Variants in ERN1 observed in about 807,000 individuals in gnomAD.
ERN1 encodes the protein serine/threonine-protein kinase/endoribonuclease IRE1.
ERN1 carries 39 observed loss-of-function variants against 113.1 expected under a neutral mutation model. The observed-to-expected ratio is 0.34, with a 90% CI of 0.27 to 0.45. The LOEUF is 0.45. Among genes scored for constraint, ERN1 ranks in the 20% least tolerant of loss-of-function variants. ERN1 has a pLI of 1.00. For missense variants in ERN1, 976 were observed against 1,274.8 expected (o/e 0.77, Z 3.57); for synonymous variants, 507 against 515.9 (o/e 0.98, Z 0.23).
At position 64,060,454 on chromosome 17, in the gene ERN1, C is replaced by A. The variant is rs367873738; in HGVS notation, c.1206+15G>T. The A allele has an allele frequency of 6.4e-7, 1 of 1,556,458 alleles. No homozygotes were observed. ...CTAACACCAACAACCCCCGACTGGTCGCTTCCTCACTCACTTCCTCAAAGC... is the reference window on the plus strand; with the variant it reads ...CTAACACCAACAACCCCCGACTGGTAGCTTCCTCACTCACTTCCTCAAAGC... On this transcript the variant is annotated intron_variant, in intron 11 of 21. Transcript: ENST00000433197.
rs1913103494 is a variant in ERN1, at chr17:64,063,081, T to C, written c.1087+905A>G. Among the ~76,000 whole-genome samples, 1 of 152,184 alleles carries C rather than the reference T, an allele frequency of 6.6e-6. No homozygotes were observed. The highest frequency in any genetic ancestry group is 2.4e-5 in the African/African-American group (1 of 41,438). ...TTTCCAGAGCCCCAGCCCTGACCTC[T>C]TTCTCCCCTAGTACCTGTCACCAGC... On this transcript the variant is annotated intron_variant, in intron 10 of 21. Transcript: ENST00000433197. The surrounding 1 kb of genome is among the most constrained non-coding windows in gnomAD (Gnocchi z 5.1).
intron 1 of ERN1, among the ~76,000 whole-genome samples, chr17:64,117,910 C>T (rs531622324): frequency 6.6e-6 from 1 of 152,258 alleles, no homozygotes; most frequent in East Asian, 1.9e-4. Context: ...TCCATGAGGG[C>T]GGGGGTCTTT....
rs1912558985 is a variant in ERN1 at position 64,047,859 on chromosome 17, T to C, written c.2528A>G (p.Gln843Arg). 2.5e-6 allele frequency: 4 copies of C among 1,607,292 alleles called. No individual in the cohort carries two copies. The highest frequency in any genetic ancestry group is 3.4e-6 in the Non-Finnish European group (4 of 1,176,122). The change falls in exon 19 of 22, where the codon CAG (glutamine) becomes CGG (arginine). Residue 843 changes from glutamine (Q) to arginine (R), a missense_variant and splice_region_variant. Coordinates refer to ENST00000433197, the MANE Select transcript of ERN1 (RefSeq NM_001433.5). ...GATAAAGAGAACAGACGTCTCTACC[T>C]GGAAGAACTGGAGCTGCTTCTCTAG... ...WSLEKQLQFF[Q>R]DVSDRIEKES...
intron 2 of ERN1, among the ~76,000 whole-genome samples, chr17:64,094,198 C>T (rs1268165595): frequency 6.6e-6 from 1 of 152,190 alleles, no homozygotes; most frequent in Admixed American, 6.5e-5. Flanking sequence ...GGCTGTACTT[C>T]TTTTGTTTGA....
At position 64,113,601 on chromosome 17, in the gene ERN1, C is replaced by T. The variant is rs544722569; in HGVS notation, c.55-15360G>A. On this transcript the variant is annotated intron_variant, in intron 1 of 21. Coordinates refer to ENST00000433197, the MANE Select transcript of ERN1 (RefSeq NM_001433.5). ...CCCGGCTCACTGCAACCTCTGCCTCCCAGGTTCCAGCAATTTTCCCGCCTC... is the reference window on the plus strand; with the variant it reads ...CCCGGCTCACTGCAACCTCTGCCTCTCAGGTTCCAGCAATTTTCCCGCCTC... 3.3e-5 allele frequency among the ~76,000 whole-genome samples: 5 copies of T among 152,106 alleles called. 1 individual carries two copies. The highest frequency in any genetic ancestry group is 1.2e-4 in the African/African-American group (5 of 41,498).
chr17:64,054,842 G>C lies in ERN1; in HGVS notation c.1673-14C>G. 2 of 1,580,416 alleles carry C rather than the reference G, an allele frequency of 1.3e-6. No homozygotes were observed. The highest frequency in any genetic ancestry group is 1.7e-6 in the Non-Finnish European group (2 of 1,156,826). ...TGGTTTCCTCATCTGGGACAAAATA[G>C]GAAAAAGAGATTGTTTCAAACAGAT... On this transcript the variant is annotated splice_polypyrimidine_tract_variant and intron_variant, in intron 13 of 21. Transcript: ENST00000433197. The surrounding 1 kb of genome is among the most constrained non-coding windows in gnomAD (Gnocchi z 4.9).
chr17:64,069,636 T>C (rs1004497535), intron 6 of ERN1, among the ~76,000 whole-genome samples: 1 of 152,232 alleles, frequency 6.6e-6, no homozygotes, highest in Non-Finnish European at 1.5e-5. Flanking sequence ...CAATGTGTGA[T>C]ATGTGTCTCT....
Position 64,074,751 on chromosome 17 carries a change from T to C in ERN1, c.355+424A>G, listed in dbSNP as rs571381731. On this transcript the variant is annotated intron_variant, in intron 5 of 21. Coordinates refer to ENST00000433197, the MANE Select transcript of ERN1 (RefSeq NM_001433.5). ...ACCCCATAGGTATGAAGGCAGTTTA[T>C]CTAGGCAAGCTATTAAGTGCTGTTC... Among the ~76,000 whole-genome samples the C allele has an allele frequency of 7.2e-5, 11 of 152,354 alleles. 1 individual carries two copies. In the East Asian group the frequency reaches 2.1e-3, roughly 29 times the overall value.
At chr17:64,055,077 T>G (rs1449776283) in intron 13 of ERN1, among the ~76,000 whole-genome samples, 1 of 152,228 alleles carries the variant, frequency 6.6e-6, no homozygotes, top group Non-Finnish European at 1.5e-5. Flanking sequence ...TCTTAAAACC[T>G]TCTGGAAGGC....
chr17:64,081,346 C>A (rs565121699), intron 2 of ERN1, among the ~76,000 whole-genome samples: 54 of 152,280 alleles, frequency 3.5e-4, no homozygotes, highest in Non-Finnish European at 6.6e-4. Context: ...TTGGCCCCCC[C>A]ATTGCATTTT....
At chr17:64,048,900 A>T (rs552758800) in intron 18 of ERN1, among the ~76,000 whole-genome samples, 155 bp downstream of exon 18, 1 of 152,206 alleles carries the variant, frequency 6.6e-6, no homozygotes, top group East Asian at 1.9e-4. Context: ...ACCCTCTACC[A>T]GATTTGGCAC....
chr17:64,115,061 C>T (rs1267938278), intron 1 of ERN1, among the ~76,000 whole-genome samples: 1 of 152,112 alleles, frequency 6.6e-6, no homozygotes, highest in African/African-American at 2.4e-5. Context: ...TGCACCTTCC[C>T]GTCTTTTTAA....
Position 64,044,808 on chromosome 17 carries a change from TG to T in ERN1, c.2721+51del. The T allele has an allele frequency of 9.2e-7, 1 of 1,083,436 alleles. No homozygotes were observed. The highest frequency in any genetic ancestry group is 1.4e-6 in the Non-Finnish European group (1 of 718,560). The allele number at this position is 1,083,436 out of a possible 1,614,324, so 67.1% of individuals were successfully genotyped here. ...TAAAGAATGGATGAAAGGAGGAAGGTGTCCATGTCATGGCCACTGGGTCTCC... is the reference window on the plus strand; with the variant it reads ...TAAAGAATGGATGAAAGGAGGAAGGTTCCATGTCATGGCCACTGGGTCTCC... On this transcript the variant is annotated intron_variant, in intron 21 of 21. Transcript: ENST00000433197. This position sits in a 1 kb window ranked among gnomAD's most constrained non-coding sequence, Gnocchi z 4.1.
Position 64,079,645 on chromosome 17 carries a change from CA to C in ERN1, c.282+16del. The C allele has an allele frequency of 6.2e-7, 1 of 1,606,670 alleles. No individual in the cohort carries two copies. Among genetic ancestry groups the C allele is most frequent in the African/African-American group, 1.3e-5 (1 of 74,914 alleles). On this transcript the variant is annotated intron_variant, in intron 4 of 21. Coordinates refer to ENST00000433197, the MANE Select transcript of ERN1 (RefSeq NM_001433.5). ...TCTAGAACCCCTGGAGTACAAAAAG[CA>C]GCTAAATATACTCACCGTCAGGCCT...
intron 1 of ERN1, among the ~76,000 whole-genome samples, chr17:64,116,895 G>A (rs1211168292): frequency 6.9e-6 from 1 of 145,700 alleles, no homozygotes; most frequent in African/African-American, 2.5e-5. Flanking sequence ...ACAAGGTCCG[G>A]AGATTGAGAC....
Position 64,060,605 on chromosome 17 carries a change from A to G in ERN1, c.1088-18T>C. 6.4e-7 allele frequency: 1 copy of G among 1,567,468 alleles called. No individual in the cohort carries two copies. On this transcript the variant is annotated intron_variant, in intron 10 of 21. Transcript: ENST00000433197. ...ATGGTGTCCTATGACAGGAAACAAA[A>G]CCTTTAGTGAGAACAATTTCCCGAG...
At chr17:64,102,977 T>C in intron 1 of ERN1, 1 of 984,796 alleles carries the variant, frequency 1.0e-6, no homozygotes, top group South Asian at 4.7e-5. Context: ...CTGTGGAGGG[T>C]GGGAAGGGTA....
intron 4 of ERN1, among the ~76,000 whole-genome samples, chr17:64,078,636 T>C (rs888712018): frequency 5.9e-5 from 9 of 152,246 alleles, no homozygotes; most frequent in Non-Finnish European, 1.3e-4. Flanking sequence ...TGATTTTATA[T>C]GTGTTGTAGG....
chr17:64,097,786 AATC>A (rs2143452706), intron 2 of ERN1: 2 of 214,460 alleles, frequency 9.3e-6, no homozygotes, highest in South Asian at 8.7e-5. Flanking sequence ...ACAAGATTCT[AATC>A]ATGAGAACAA....
Sources: gnomAD v4.1 joint callset for allele counts (sites outside exome capture counted in the v4.1 genomes callset) on GRCh38, gnomAD v4.1.1 for gene constraint, Gnocchi (gnomAD v3.1) non-coding constraint, MANE v1.5 for transcripts, NCBI Gene and HGNC (gene_info 2026-07-23, HGNC 2026-07-21) for gene names.